MYDGF: variants seen among roughly 807,000 people sequenced by gnomAD.
MYDGF encodes the protein myeloid derived growth factor, also known as myeloid-derived growth factor.
A neutral mutation model predicts 24.2 loss-of-function variants in MYDGF; 29 were observed. That is an observed-to-expected ratio of 1.20 (90% CI 0.89 to 1.63). The LOEUF (loss-of-function observed/expected upper bound fraction) is 1.63, where lower values mean the gene tolerates loss of function less well. Ranked by LOEUF, MYDGF falls within the 40% of genes most tolerant of loss-of-function variation. The probability of loss-of-function intolerance (pLI) is 0.00; values close to 1 mark genes in which losing one functional copy is unlikely to be tolerated. For missense variants in MYDGF, 245 were observed against 234.8 expected (o/e 1.04, Z -0.29); for synonymous variants, 105 against 102.5 (o/e 1.02, Z -0.15).
chr19:4,662,534 C>T (rs2088479369), intron 3 of MYDGF, among the ~76,000 whole-genome samples: 1 of 152,100 alleles, frequency 6.6e-6, no homozygotes, highest in Non-Finnish European at 1.5e-5. Flanking sequence ...CGGGATAAGC[C>T]CATAAACCAT....
intron 3 of MYDGF, among the ~76,000 whole-genome samples, chr19:4,664,270 T>C (rs867571179): frequency 2.9e-4 from 44 of 152,128 alleles, no homozygotes; most frequent in African/African-American, 9.9e-4. Flanking sequence ...AAGTACTCCA[T>C]GCAGCTGAAT....
chr19:4,665,417 C>G (rs1167561493), intron 2 of MYDGF, among the ~76,000 whole-genome samples: 2 of 152,160 alleles, frequency 1.3e-5, no homozygotes, highest in East Asian at 3.9e-4. Flanking sequence ...ATTGCCCAGG[C>G]TGGTCTCAAC....
chr19:4,670,180 G>A lies in MYDGF; in HGVS notation c.155C>T (p.Ser52Phe). The change falls in exon 1 of 6, where the codon TCC (serine) becomes TTC (phenylalanine). Residue 52 changes from serine to phenylalanine, a missense_variant. Physicochemically the swap from Ser to Phe is radical, Grantham distance 155. Transcript: ENST00000262947. The part of the protein sequence containing the change: ...VRPGGVVHSF[S>F]HNVGPGDKYT... ...ACGTACCCCCGGGCCCACGTTATGG[G>A]AGAAGGAATGCACGACGCCGCCGGG... The A allele has an allele frequency of 6.4e-7, 1 of 1,554,744 alleles. No homozygotes were observed. The highest frequency in any genetic ancestry group is 8.7e-7 in the Non-Finnish European group (1 of 1,153,264).
intron 1 of MYDGF, among the ~76,000 whole-genome samples, chr19:4,668,848 A>G (rs2088540859): frequency 7.3e-6 from 1 of 136,100 alleles, no homozygotes; most frequent in Non-Finnish European, 1.5e-5. Context: ...ACACCCGACT[A>G]ATTTTTTTTT....
intron 2 of MYDGF, among the ~76,000 whole-genome samples, chr19:4,667,121 CTTTTTTTTTTTTTTTTT>C (rs57093750): frequency 9.8e-6 from 1 of 102,170 alleles, no homozygotes; most frequent in African/African-American, 4.5e-5. Flanking sequence ...TCAAATCACC[CTTTTTTTTTTTTTTTTT>C]TTTTTTTTGA....
chr19:4,668,421 A>G (rs906916329), intron 2 of MYDGF, among the ~76,000 whole-genome samples, 174 bp downstream of exon 2: 4 of 152,204 alleles, frequency 2.6e-5, no homozygotes, highest in African/African-American at 9.7e-5. Flanking sequence ...ATAACAGCAG[A>G]ATCTGTCGTC....
intron 1 of MYDGF, among the ~76,000 whole-genome samples, chr19:4,669,748 G>A (rs2088549508): frequency 6.6e-6 from 1 of 152,084 alleles, no homozygotes; most frequent in Admixed American, 6.5e-5. Flanking sequence ...TGGAAGGAAG[G>A]AGCACTTCCT....
chr19:4,666,211 GATC>G (rs2088520443), intron 2 of MYDGF, among the ~76,000 whole-genome samples: 2 of 151,860 alleles, frequency 1.3e-5, no homozygotes, highest in Non-Finnish European at 2.9e-5. Flanking sequence ...ACGGTACTTG[GATC>G]TCTCTGTAGG....
intron 3 of MYDGF, among the ~76,000 whole-genome samples, chr19:4,662,800 G>GA (rs1345874716): frequency 6.6e-6 from 1 of 151,982 alleles, no homozygotes; most frequent in East Asian, 1.9e-4. Context: ...CCGGGAGATA[G>GA]CATCATCCAA....
chr19:4,663,203 C>T (rs1599837552), intron 3 of MYDGF, among the ~76,000 whole-genome samples: 2 of 144,210 alleles, frequency 1.4e-5, no homozygotes, highest in South Asian at 2.3e-4. Flanking sequence ...CCTCCCCACC[C>T]GTCCTGTCCT....
chr19:4,668,794 G>A (rs930230922), intron 1 of MYDGF, 149 bp from the exon 2 acceptor site: 1 of 602,862 alleles, frequency 1.7e-6, no homozygotes, highest in Admixed American at 2.7e-5. Context: ...TAATCCTCTT[G>A]CCTCAGCCTC....
chr19:4,660,106 A>G (rs1599835782), intron 4 of MYDGF, 103 bp from the exon 5 acceptor site: 25 of 1,144,566 alleles, frequency 2.2e-5, no homozygotes, highest in Non-Finnish European at 3.3e-5. Flanking sequence ...AAAGCTTTCT[A>G]CTTTTACTAG....
chr19:4,663,505 T>C (rs1379436035), intron 3 of MYDGF, among the ~76,000 whole-genome samples: 2 of 56,686 alleles, frequency 3.5e-5, no homozygotes, highest in African/African-American at 1.5e-4. Context: ...ACCTGTGCAC[T>C]CTCCACCCAC....
chr19:4,665,704 C>G (rs2088514918), intron 2 of MYDGF, among the ~76,000 whole-genome samples: 1 of 151,480 alleles, frequency 6.6e-6, no homozygotes, highest in South Asian at 2.1e-4. Flanking sequence ...GCCTGTAGTC[C>G]CAGCTACTCG....
At position 4,659,959 on chromosome 19, in the gene MYDGF, A is replaced by G. The variant is rs751005473; in HGVS notation, c.414T>C (p.Thr138=). The part of the protein sequence containing the change: ...FERESDVPLK[T]EEFEVTKTAV... ...CTGTTTTGGTCACTTCAAATTCCTC[A>G]GTTTTCAGAGGGACATCACTTTCCC... is the stretch of plus-strand genomic sequence containing the variant. Residue 138 remains threonine (T), a synonymous_variant, in exon 5 of 6, where the codon ACT becomes ACC. Coordinates refer to ENST00000262947, the MANE Select transcript of MYDGF (RefSeq NM_019107.4). The G allele has an allele frequency of 9.3e-6, 15 of 1,613,940 alleles. No homozygotes were observed. The highest frequency in any genetic ancestry group is 1.3e-5 in the Non-Finnish European group (15 of 1,179,978).
At chr19:4,661,477 GTTAAC>G (rs1404506628) in intron 3 of MYDGF, among the ~76,000 whole-genome samples, 3 of 152,310 alleles carry the variant, frequency 2.0e-5, no homozygotes, top group South Asian at 2.1e-4. Flanking sequence ...AAGTACAGGA[GTTAAC>G]TTAAGAAGTG....
intron 2 of MYDGF, among the ~76,000 whole-genome samples, chr19:4,668,003 C>T (rs184298014): frequency 2.7e-4 from 41 of 152,360 alleles, no homozygotes; most frequent in Non-Finnish European, 2.9e-5. Context: ...TCTTGGCTCA[C>T]TGCAACCTCC....
intron 2 of MYDGF, among the ~76,000 whole-genome samples, chr19:4,665,729 G>A (rs1427228695): frequency 2.0e-5 from 3 of 148,578 alleles, no homozygotes; most frequent in East Asian, 2.0e-4. Context: ...GCTAAGGCAG[G>A]AGAATGGCGT....
At chr19:4,667,377 C>T (rs909613050) in intron 2 of MYDGF, among the ~76,000 whole-genome samples, 1 of 152,104 alleles carries the variant, frequency 6.6e-6, no homozygotes, top group African/African-American at 2.4e-5. Flanking sequence ...ATCCACCCGC[C>T]TCGGCCTCCC....
Sources: allele counts gnomAD v4.1 joint callset (sites outside exome capture counted in the v4.1 genomes callset), GRCh38; gene constraint gnomAD v4.1.1; transcripts MANE v1.5; gene names NCBI Gene and HGNC (gene_info 2026-07-23, HGNC 2026-07-21).